TLN1: variants seen among roughly 807,000 people sequenced by gnomAD.
TLN1 encodes the protein talin 1.
In TLN1, 56 loss-of-function variants were observed where a neutral mutation model predicts 292.3. The observed-to-expected ratio is 0.19, with a 90% confidence interval of 0.15 to 0.24. The LOEUF is 0.24. Among genes scored for constraint, TLN1 ranks in the 10% least tolerant of loss-of-function variants. TLN1 has a pLI of 1.00. For missense variants in TLN1, 2,433 were observed against 3,248.2 expected (o/e 0.75, Z 6.10); for synonymous variants, 1,119 against 1,253.7 (o/e 0.89, Z 2.27).
At position 35,717,549 on chromosome 9, in the gene TLN1, A is replaced by C. The variant is rs1587986187; in HGVS notation, c.2163+70T>G. 2 of 1,579,034 alleles carry C rather than the reference A, an allele frequency of 1.3e-6. No individual in the cohort carries two copies. Among genetic ancestry groups the C allele is most frequent in the East Asian group, 4.5e-5 (2 of 44,298 alleles). On this transcript the variant is annotated intron_variant, in intron 18 of 56. Transcript: ENST00000314888. The surrounding 1 kb of genome is among the most constrained non-coding windows in gnomAD (Gnocchi z 4.7). Reference sequence around the variant, plus strand: ...GGAGGCCTCCAGAGCCAAAGAAATAAAATGAAAGGCTCACGTGTGTGTGGT... The same window carrying C: ...GGAGGCCTCCAGAGCCAAAGAAATACAATGAAAGGCTCACGTGTGTGTGGT...
At chr9:35,723,851 A>C in intron 7 of TLN1, 101 bp downstream of exon 7, 2 of 1,551,080 alleles carry the variant, frequency 1.3e-6, no homozygotes, top group South Asian at 2.4e-5. Flanking sequence ...CCTCGGAAGA[A>C]GAAATAGTGG....
Position 35,698,880 on chromosome 9 carries a change from G to A in TLN1, c.7053C>T (p.Ser2351=), listed in dbSNP as rs758495159. ...FEEQILEAAK[S]IAAATSALVK... ...CCAGTGCACTGGTGGCTGCTGCAAT[G>A]GACTTGGCAGCTTCTAGTATCTGCT... Residue 2351 remains serine (S), a synonymous_variant, in exon 53 of 57, where the codon TCC becomes TCT. Coordinates refer to ENST00000314888, the MANE Select transcript of TLN1 (RefSeq NM_006289.4). The surrounding 1 kb of genome is among the most constrained non-coding windows in gnomAD (Gnocchi z 5.3). 6.2e-6 allele frequency: 10 copies of A among 1,614,028 alleles called. No homozygotes were observed. The Admixed American group carries it at 1.5e-4, about 24-fold the overall frequency.
At chr9:35,702,668 T>G (rs1825485636) in intron 48 of TLN1, among the ~76,000 whole-genome samples, 1 of 151,974 alleles carries the variant, frequency 6.6e-6, no homozygotes, top group Non-Finnish European at 1.5e-5. Context: ...AATTTTTGTA[T>G]TTTTAGTAGA....
At chr9:35,728,148 G>A (rs1459199000) in intron 1 of TLN1, among the ~76,000 whole-genome samples, 1 of 152,168 alleles carries the variant, frequency 6.6e-6, no homozygotes, top group Non-Finnish European at 1.5e-5. Flanking sequence ...TGGAGGGGGG[G>A]AATGGAGGAC....
In TLN1 at chr9:35,714,708, A is replaced by G; in HGVS notation, c.2872-21T>C. 1 of 1,613,584 alleles carries G rather than the reference A, an allele frequency of 6.2e-7. No individual in the cohort carries two copies. Among genetic ancestry groups the G allele is most frequent in the Non-Finnish European group, 8.5e-7 (1 of 1,179,630 alleles). On this transcript the variant is annotated intron_variant, in intron 22 of 56. Transcript: ENST00000314888. The surrounding 1 kb of genome is among the most constrained non-coding windows in gnomAD (Gnocchi z 4.6). ...ACTGCCTGTAGGTGAAAATGTCATA[A>G]GAGACCCACAAGTCTCCCTCTTCCA...
chr9:35,721,711 C>G lies in TLN1; in HGVS notation c.1041G>C (p.Val347=), dbSNP rs1285596352. 1 of 1,614,072 alleles carries G rather than the reference C, an allele frequency of 6.2e-7. No individual in the cohort carries two copies. Among genetic ancestry groups the G allele is most frequent in the African/African-American group, 1.3e-5 (1 of 74,934 alleles). Residue 347 remains valine, a synonymous_variant, in exon 10 of 57, where the codon GTG becomes GTC. Coordinates refer to ENST00000314888, the MANE Select transcript of TLN1 (RefSeq NM_006289.4). ...TGTTGGTGAGGTTCCACTCCTGGAT[C>G]ACTTCCTTGGTCTTCTCATCCACTC... The part of the protein sequence containing the change: ...VMRVDEKTKE[V]IQEWNLTNIK...
rs1327889347 is a variant in TLN1, at chr9:35,705,819, A to C, written c.5544T>G (p.Gly1848=). Reference sequence around the variant, plus strand: ...TAGTTGTTTGGTAATCCACGAAGGAACCTTCTGGTTCACCCATTGGTCCTT... The same window carrying C: ...TAGTTGTTTGGTAATCCACGAAGGACCCTTCTGGTTCACCCATTGGTCCTT... ...LDEGPMGEPE[G]SFVDYQTTMV... Residue 1848 remains glycine (G), a synonymous_variant, in exon 42 of 57, where the codon GGT becomes GGG. Transcript: ENST00000314888. 1.2e-6 allele frequency: 2 copies of C among 1,614,236 alleles called. No homozygotes were observed. Among genetic ancestry groups the C allele is most frequent in the Admixed American group, 1.7e-5 (1 of 60,026 alleles).
Position 35,708,343 on chromosome 9 carries a change from G to A in TLN1, c.4468C>T (p.Gln1490Ter). The change falls in exon 34 of 57, where the codon CAG becomes TAG. Residue 1490 changes from glutamine (Q) to a stop codon, truncating the protein, a stop_gained and splice_region_variant. Coordinates refer to ENST00000314888, the MANE Select transcript of TLN1 (RefSeq NM_006289.4). LOFTEE classifies it high-confidence loss of function. Reference protein sequence around the residue: ...SLGEPGCTQAQVLSAATIVAK... With the variant: ...SLGEPGCTQA Reference sequence around the variant, plus strand: ...TGGTCCCTGTTCCCTTGAGTTACCTGGGCCTGGGTACAGCCAGGCTCTCCC... The same window carrying A: ...TGGTCCCTGTTCCCTTGAGTTACCTAGGCCTGGGTACAGCCAGGCTCTCCC... 6.2e-7 allele frequency: 1 copy of A among 1,602,210 alleles called. No individual in the cohort carries two copies. The highest frequency in any genetic ancestry group is 8.5e-7 in the Non-Finnish European group (1 of 1,173,488).
chr9:35,720,606 A>G, intron 11 of TLN1, 97 bp from the exon 12 acceptor site: 2 of 1,267,940 alleles, frequency 1.6e-6, no homozygotes, highest in South Asian at 1.3e-5. Flanking sequence ...CATTTTCCAG[A>G]AGCTGAGTGT....
chr9:35,698,872 G>A lies in TLN1; in HGVS notation c.7061C>T (p.Ala2354Val). The change falls in exon 53 of 57, where the codon GCA (alanine) becomes GTA (valine). Residue 2354 changes from alanine to valine, a missense_variant. By Grantham distance (64) the Ala-to-Val change is moderately conservative. Transcript: ENST00000314888. This position sits in a 1 kb window ranked among gnomAD's most constrained non-coding sequence, Gnocchi z 5.3. Reference protein sequence around the residue: ...QILEAAKSIAAATSALVKAAS... With the variant: ...QILEAAKSIAVATSALVKAAS... Reference sequence around the variant, plus strand: ...AGCCTTTACCAGTGCACTGGTGGCTGCTGCAATGGACTTGGCAGCTTCTAG... The same window carrying A: ...AGCCTTTACCAGTGCACTGGTGGCTACTGCAATGGACTTGGCAGCTTCTAG... 6.2e-7 allele frequency: 1 copy of A among 1,614,172 alleles called. No homozygotes were observed. The highest frequency in any genetic ancestry group is 8.5e-7 in the Non-Finnish European group (1 of 1,180,024).
rs1362362098 is a variant in TLN1, at chr9:35,703,448, G to C, written c.6474+112C>G. On this transcript the variant is annotated intron_variant, in intron 48 of 56. Transcript: ENST00000314888. ...AAAAAAAAAGTCTGGCGATAGATGAGAGAGAAGACTGTGTGTGACTCCAGC... is the reference window on the plus strand; with the variant it reads ...AAAAAAAAAGTCTGGCGATAGATGACAGAGAAGACTGTGTGTGACTCCAGC... 2.9e-6 allele frequency: 3 copies of C among 1,045,112 alleles called. No individual in the cohort carries two copies. In the Admixed American group the frequency reaches 5.4e-5, roughly 19 times the overall value. The allele number at this position is 1,045,112 out of a possible 1,614,324, so 64.7% of individuals were successfully genotyped here.
At position 35,699,322 on chromosome 9, in the gene TLN1, T is replaced by A; in HGVS notation, c.6874+34A>T. ...GCAGAGATCACACCATGATAAGGGT[T>A]TTCCATCCGTCCCTGTCCCTGGTCA... On this transcript the variant is annotated intron_variant, in intron 51 of 56. Coordinates refer to ENST00000314888, the MANE Select transcript of TLN1 (RefSeq NM_006289.4). The surrounding 1 kb of genome is among the most constrained non-coding windows in gnomAD (Gnocchi z 4.0). 6.3e-7 allele frequency: 1 copy of A among 1,591,068 alleles called. No homozygotes were observed. The highest frequency in any genetic ancestry group is 8.6e-7 in the Non-Finnish European group (1 of 1,167,968).
intron 1 of TLN1, among the ~76,000 whole-genome samples, chr9:35,727,083 G>A (rs1184938379): frequency 6.6e-6 from 1 of 152,210 alleles, no homozygotes; most frequent in African/African-American, 2.4e-5. Context: ...AGGAGGCACT[G>A]GAGGCAGCAG....
Position 35,698,789 on chromosome 9 carries a change from T to C in TLN1, c.7125+19A>G. ...AAGTGCCAACCTGTCCCCATTCTTC[T>C]GGGTATTTAAGCACTCACCTTCCCT... On this transcript the variant is annotated intron_variant, in intron 53 of 56. Coordinates refer to ENST00000314888, the MANE Select transcript of TLN1 (RefSeq NM_006289.4). This position sits in a 1 kb window ranked among gnomAD's most constrained non-coding sequence, Gnocchi z 5.3. 1 of 1,613,818 alleles carries C rather than the reference T, an allele frequency of 6.2e-7. No individual in the cohort carries two copies. The highest frequency in any genetic ancestry group is 8.5e-7 in the Non-Finnish European group (1 of 1,179,720).
rs570773629 is a variant in TLN1 at position 35,709,222 on chromosome 9, G to A, written c.4327-738C>T. Among the ~76,000 whole-genome samples the A allele has an allele frequency of 1.5e-3, 228 of 152,336 alleles. 3 individuals are homozygous for A. Among genetic ancestry groups the A allele is most frequent in the African/African-American group, 5.3e-3 (222 of 41,578 alleles). On this transcript the variant is annotated intron_variant, in intron 33 of 56. Transcript: ENST00000314888. ...AGGTAGGAGAATCACTTGAACCCGG[G>A]AGGCGGAGGTTGCAGTGAGCCGAGA...
rs747597109 is a variant in TLN1 at position 35,698,035 on chromosome 9, G to A, written c.7500+9C>T. Reference sequence around the variant, plus strand: ...GACAGCGTCCCTCAGCATCTGGGGTGAAGCTCACCTGGGCAATGCCGCCAA... The same window carrying A: ...GACAGCGTCCCTCAGCATCTGGGGTAAAGCTCACCTGGGCAATGCCGCCAA... On this transcript the variant is annotated intron_variant, in intron 56 of 56. Coordinates refer to ENST00000314888, the MANE Select transcript of TLN1 (RefSeq NM_006289.4). This position sits in a 1 kb window ranked among gnomAD's most constrained non-coding sequence, Gnocchi z 5.3. The A allele has an allele frequency of 1.9e-6, 3 of 1,614,192 alleles. No individual in the cohort carries two copies. The highest frequency in any genetic ancestry group is 4.5e-5 in the East Asian group (2 of 44,890).
intron 33 of TLN1, 34 bp downstream of exon 33, chr9:35,710,527 G>C (rs1438997861): frequency 6.3e-7 from 1 of 1,599,128 alleles, no homozygotes; most frequent in Non-Finnish European, 8.5e-7. Flanking sequence ...AAGAAAGTAG[G>C]GGCCATTCAA....
At chr9:35,712,720 C>A in intron 27 of TLN1, 115 bp downstream of exon 27, 2 of 872,250 alleles carry the variant, frequency 2.3e-6, no homozygotes, top group Non-Finnish European at 3.6e-6. Flanking sequence ...AAGAGCAGAC[C>A]CAAGAAGACA....
chr9:35,707,305 G>C lies in TLN1; in HGVS notation c.4773+43C>G, dbSNP rs1825583438. 1 of 1,609,622 alleles carries C rather than the reference G, an allele frequency of 6.2e-7. No individual in the cohort carries two copies. Among genetic ancestry groups the C allele is most frequent in the Non-Finnish European group, 8.5e-7 (1 of 1,176,696 alleles). On this transcript the variant is annotated intron_variant, in intron 36 of 56. Transcript: ENST00000314888. This position sits in a 1 kb window ranked among gnomAD's most constrained non-coding sequence, Gnocchi z 5.6. ...AGTCTCAGGAGTCCCTGGAAGATGAGGTGATAAGCTGGCCCATCAGTTCCC... is the reference window on the plus strand; with the variant it reads ...AGTCTCAGGAGTCCCTGGAAGATGACGTGATAAGCTGGCCCATCAGTTCCC...
Sources: gnomAD v4.1 joint callset for allele counts (sites outside exome capture counted in the v4.1 genomes callset) on GRCh38, gnomAD v4.1.1 for gene constraint, Gnocchi (gnomAD v3.1) non-coding constraint, MANE v1.5 for transcripts, NCBI Gene and HGNC (gene_info 2026-07-23, HGNC 2026-07-21) for gene names.